The following ACYP2 variants were observed in gnomAD, a reference collection of about 807,000 sequenced individuals.
The protein encoded by ACYP2 is acylphosphatase 2.
A neutral mutation model predicts 11.2 loss-of-function variants in ACYP2; 12 were observed. That is an observed-to-expected ratio of 1.08 (90% CI 0.69 to 1.74). The LOEUF (loss-of-function observed/expected upper bound fraction) is 1.74, where lower values mean the gene tolerates loss of function less well. Ranked by LOEUF, ACYP2 falls within the 40% of genes most tolerant of loss-of-function variation. ACYP2 has a pLI of 0.00. For missense variants in ACYP2, 134 were observed against 101.9 expected, an observed-to-expected ratio of 1.31 and a Z score of -1.35; for synonymous variants, 43 against 32.2, an observed-to-expected ratio of 1.33 and a Z score of -1.13.
Position 54,187,663 on chromosome 2 carries a change from T to TC in ACYP2, c.404+48915_404+48916insC, listed in dbSNP as rs1192929905. ...GCAGGCAGCACTGCATGGTGCCTGG[T>TC]AAGCACTGGGCACAAGGGGCTTCTC... On this transcript the variant is annotated intron_variant, in intron 6 of 6. Coordinates refer to ENST00000607452, the MANE Select transcript of ACYP2 (RefSeq NM_001320586.2). Among the ~76,000 whole-genome samples, 6 of 152,276 alleles carry TC rather than the reference T, an allele frequency of 3.9e-5. No individual in the cohort carries two copies. In the East Asian group the frequency reaches 1.2e-3, roughly 29 times the overall value.
chr2:54,277,323 T>A (rs1447238413), intron 6 of ACYP2, among the ~76,000 whole-genome samples: 1 of 152,208 alleles, frequency 6.6e-6, no homozygotes. Context: ...CCATTTATTT[T>A]TCCAGAGATA....
chr2:54,122,620 A>C (rs1188843116), intron 4 of ACYP2, among the ~76,000 whole-genome samples: 1 of 152,208 alleles, frequency 6.6e-6, no homozygotes, highest in African/African-American at 2.4e-5. Context: ...AAATGTCTCC[A>C]CATCTACCTT....
intron 4 of ACYP2, among the ~76,000 whole-genome samples, chr2:54,109,627 C>T (rs1679350244): frequency 1.3e-5 from 2 of 151,970 alleles, no homozygotes; most frequent in African/African-American, 4.8e-5. Flanking sequence ...TCTGCTCATG[C>T]ACCACATTGA....
chr2:54,292,709 C>G (rs1441253801), intron 6 of ACYP2, among the ~76,000 whole-genome samples: 1 of 140,054 alleles, frequency 7.1e-6, no homozygotes, highest in South Asian at 2.3e-4. Context: ...CACACACACA[C>G]GTGTATGTAT....
At chr2:54,249,054 G>A (rs1297814628) in intron 6 of ACYP2, among the ~76,000 whole-genome samples, 1 of 152,082 alleles carries the variant, frequency 6.6e-6, no homozygotes, top group East Asian at 1.9e-4. Context: ...TGTTAGGTAG[G>A]GGATTGGTTG....
chr2:54,160,529 T>C (rs1487178419), intron 6 of ACYP2, among the ~76,000 whole-genome samples: 2 of 152,236 alleles, frequency 1.3e-5, no homozygotes, highest in African/African-American at 4.8e-5. Context: ...TTTTCTTCTT[T>C]GAATTCCCAG....
chr2:54,170,383 C>A (rs990459691), intron 6 of ACYP2, among the ~76,000 whole-genome samples: 1 of 152,034 alleles, frequency 6.6e-6, no homozygotes, highest in Non-Finnish European at 1.5e-5. Context: ...GAACTCACAG[C>A]CTCAAGCAGT....
chr2:54,255,914 T>G (rs973698352), intron 6 of ACYP2: 15 of 1,613,966 alleles, frequency 9.3e-6, no homozygotes, highest in Non-Finnish European at 1.2e-5. Flanking sequence ...GCTCCATGAC[T>G]GCGACCCGCA....
At chr2:54,136,686 A>C (rs1394334169) in intron 5 of ACYP2, among the ~76,000 whole-genome samples, 1 of 152,160 alleles carries the variant, frequency 6.6e-6, no homozygotes, top group Non-Finnish European at 1.5e-5. Context: ...GTTTTTGAAA[A>C]GTTCTAAGGC....
rs1685290520 is a variant in ACYP2 at position 54,210,526 on chromosome 2, A to C, written c.404+71778A>C. Reference sequence around the variant, plus strand: ...GGGATGGGTGACTCTGCTTTGTTGAAATAGTTGTTGATTTAGGGGATTATA... The same window carrying C: ...GGGATGGGTGACTCTGCTTTGTTGACATAGTTGTTGATTTAGGGGATTATA... On this transcript the variant is annotated intron_variant, in intron 6 of 6. Transcript: ENST00000607452. Among the ~76,000 whole-genome samples, 3 of 152,184 alleles carry C rather than the reference A, an allele frequency of 2.0e-5. No individual in the cohort carries two copies. The South Asian group carries it at 6.2e-4, about 32-fold the overall frequency.
chr2:54,274,520 G>C (rs868497479), intron 6 of ACYP2, among the ~76,000 whole-genome samples: 1 of 150,718 alleles, frequency 6.6e-6, no homozygotes, highest in Non-Finnish European at 1.5e-5. Flanking sequence ...GCACACCTGT[G>C]GTCCCAGCTA....
intron 6 of ACYP2, among the ~76,000 whole-genome samples, chr2:54,250,866 T>C (rs1187185973): frequency 6.6e-6 from 1 of 152,226 alleles, no homozygotes; most frequent in Non-Finnish European, 1.5e-5. Flanking sequence ...GCATATGCCA[T>C]AGGTATTGTT....
At chr2:53,985,693 C>A (rs1234288177) in intron 2 of ACYP2, among the ~76,000 whole-genome samples, 2 of 152,112 alleles carry the variant, frequency 1.3e-5, no homozygotes, top group South Asian at 2.1e-4. Context: ...GCAATTTAAT[C>A]CTCAGTGTTG....
chr2:54,022,726 C>T (rs534741299), intron 2 of ACYP2, among the ~76,000 whole-genome samples: 6 of 152,272 alleles, frequency 3.9e-5, no homozygotes, highest in African/African-American at 1.4e-4. Context: ...GTGGTAGATG[C>T]AGAAAGGACT....
At chr2:54,096,270 C>T (rs553925158) in intron 4 of ACYP2, among the ~76,000 whole-genome samples, 227 of 130,920 alleles carry the variant, frequency 1.7e-3, no homozygotes, top group African/African-American at 6.5e-3. Flanking sequence ...ACATCTCAGA[C>T]GATGGGTGGC....
chr2:54,072,512 T>TTTTTC, intron 4 of ACYP2, among the ~76,000 whole-genome samples: 1 of 79,662 alleles, frequency 1.3e-5, no homozygotes, highest in Non-Finnish European at 2.9e-5. Flanking sequence ...TCTCTCTCTC[T>TTTTTC]TTCTTTCTTC....
intron 6 of ACYP2, among the ~76,000 whole-genome samples, chr2:54,277,863 C>A (rs1348586189): frequency 1.3e-5 from 2 of 151,990 alleles, no homozygotes; most frequent in African/African-American, 4.8e-5. Flanking sequence ...ATATTTTTAT[C>A]TTCATTGAAT....
intron 2 of ACYP2, among the ~76,000 whole-genome samples, chr2:53,989,204 G>A (rs1477094902): frequency 6.6e-6 from 1 of 150,858 alleles, no homozygotes; most frequent in Non-Finnish European, 1.5e-5. Flanking sequence ...CGACTATTGT[G>A]ATCTACTGTG....
intron 4 of ACYP2, chr2:54,065,435 C>G (rs1170876504): frequency 2.3e-5 from 9 of 398,382 alleles, no homozygotes; most frequent in Non-Finnish European, 3.1e-5. Context: ...AGTTGGATGA[C>G]CAATTGTATG....
Sources: allele counts gnomAD v4.1 joint callset (sites outside exome capture counted in the v4.1 genomes callset), GRCh38; gene constraint gnomAD v4.1.1; transcripts MANE v1.5; gene names NCBI Gene and HGNC (gene_info 2026-07-23, HGNC 2026-07-21).